PADI2: variants seen among roughly 807,000 people sequenced by gnomAD.
PADI2 encodes peptidyl arginine deiminase 2.
In PADI2, 70 loss-of-function variants were observed where a neutral mutation model predicts 81.1. That is an observed-to-expected ratio of 0.86 (90% CI 0.71 to 1.05). The LOEUF is 1.05. PADI2 is among the 50% of genes least tolerant of loss of function. The pLI is 0.00. For synonymous variants in PADI2, 338 were observed against 358.0 expected (o/e 0.94, Z 0.63); for missense variants, 853 against 889.9 (o/e 0.96, Z 0.53).
intron 14 of PADI2, among the ~76,000 whole-genome samples, chr1:17,070,784 C>T (rs1450460519): frequency 1.3e-5 from 2 of 152,096 alleles, no homozygotes; most frequent in Non-Finnish European, 2.9e-5. Flanking sequence ...GCCTCAGCCT[C>T]CCAAGTAGCT....
intron 1 of PADI2, among the ~76,000 whole-genome samples, chr1:17,117,782 C>T (rs1931810238): frequency 6.6e-6 from 1 of 152,252 alleles, no homozygotes; most frequent in Admixed American, 6.5e-5. Flanking sequence ...ATGGTGACAG[C>T]TGAGGCTTAG....
intron 6 of PADI2, among the ~76,000 whole-genome samples, chr1:17,091,210 A>T (rs1366672071): frequency 6.9e-6 from 1 of 144,754 alleles, no homozygotes; most frequent in Non-Finnish European, 1.5e-5. Context: ...GTCCCTACTC[A>T]CCTCATGGTG....
At chr1:17,101,064 C>T (rs1931125831) in intron 3 of PADI2, among the ~76,000 whole-genome samples, 1 of 151,696 alleles carries the variant, frequency 6.6e-6, no homozygotes, top group Admixed American at 6.6e-5. Context: ...ATTTGATTGG[C>T]CCATGGAATC....
chr1:17,080,535 G>A (rs1210682526), intron 10 of PADI2, among the ~76,000 whole-genome samples: 1 of 152,192 alleles, frequency 6.6e-6, no homozygotes, highest in African/African-American at 2.4e-5. Context: ...GCTGTTGTCG[G>A]TCATGGAGAT....
chr1:17,090,487 T>A (rs1930649075), intron 6 of PADI2, among the ~76,000 whole-genome samples: 1 of 152,096 alleles, frequency 6.6e-6, no homozygotes, highest in Non-Finnish European at 1.5e-5. Flanking sequence ...CATTCGCTCA[T>A]CCACAGGGGT....
chr1:17,097,352 T>A (rs552531202), intron 3 of PADI2, among the ~76,000 whole-genome samples: 55 of 152,318 alleles, frequency 3.6e-4, no homozygotes, highest in African/African-American at 1.1e-3. Context: ...CCTTTGCCTA[T>A]AGCCTGCATA....
chr1:17,103,577 A>C (rs962971122), intron 2 of PADI2, among the ~76,000 whole-genome samples: 7 of 152,034 alleles, frequency 4.6e-5, no homozygotes, highest in African/African-American at 1.4e-4. Flanking sequence ...AGCTCCAATG[A>C]TTCTATGGTT....
intron 3 of PADI2, among the ~76,000 whole-genome samples, chr1:17,098,342 C>T (rs1242489679): frequency 6.6e-6 from 1 of 152,190 alleles, no homozygotes; most frequent in Admixed American, 6.5e-5. Flanking sequence ...CATTGGGACT[C>T]CTTGTGGCGA....
In PADI2 at chr1:17,066,854, T is replaced by G. The variant is rs1478740114; in HGVS notation, c.*2190A>C. The G allele has an allele frequency of 6.6e-6, 1 of 152,250 alleles. No homozygotes were observed. The highest frequency in any genetic ancestry group is 1.9e-4 in the East Asian group (1 of 5,202). 9.4% of individuals were successfully genotyped at this position (152,250 alleles called of 1,614,324 possible). On this transcript the variant is annotated 3_prime_UTR_variant, in exon 16 of 16. Coordinates refer to ENST00000375486, the MANE Select transcript of PADI2 (RefSeq NM_007365.3). The stretch of plus-strand genomic sequence containing the variant: ...CCACCACAGGCTCTTTTCCAGAAAT[T>G]TGAAACTGTGTTCTTCTTGCCATCT...
intron 3 of PADI2, among the ~76,000 whole-genome samples, chr1:17,096,592 G>A (rs1342655911): frequency 1.3e-5 from 2 of 152,248 alleles, no homozygotes; most frequent in East Asian, 1.9e-4. Flanking sequence ...TGTGAGTCTA[G>A]ATGGAGGATC....
At chr1:17,103,101 G>A (rs1239631519) in intron 2 of PADI2, 42 bp from the exon 3 acceptor site, 1 of 1,438,596 alleles carries the variant, frequency 7.0e-7, no homozygotes, top group East Asian at 2.3e-5. Flanking sequence ...AGAAAAGAGA[G>A]CAGAGATCAC....
chr1:17,086,334 A>G (rs1930414625), intron 7 of PADI2, among the ~76,000 whole-genome samples, 187 bp downstream of exon 7: 1 of 152,196 alleles, frequency 6.6e-6, no homozygotes, highest in Admixed American at 6.5e-5. Context: ...TGATCCCAGG[A>G]GCATGGCTCA....
chr1:17,105,397 T>TTGTG (rs371659993), intron 1 of PADI2, among the ~76,000 whole-genome samples: 1 of 143,152 alleles, frequency 7.0e-6, no homozygotes, highest in African/African-American at 2.8e-5. Context: ...CTCTTCTTTT[T>TTGTG]TGTGTGTGTG....
At chr1:17,102,751 T>TGTG (rs1553183543) in intron 3 of PADI2, among the ~76,000 whole-genome samples, 4 of 139,518 alleles carry the variant, frequency 2.9e-5, no homozygotes, top group Non-Finnish European at 4.8e-5. Flanking sequence ...CCTTGACACT[T>TGTG]GGGGGGGGGT....
intron 1 of PADI2, among the ~76,000 whole-genome samples, chr1:17,116,608 G>T (rs1557775717): frequency 6.6e-6 from 1 of 152,172 alleles, no homozygotes; most frequent in African/African-American, 2.4e-5. Flanking sequence ...AGTTCAACCC[G>T]CTGGTTTTAG....
chr1:17,098,175 G>C (rs1280181623), intron 3 of PADI2, among the ~76,000 whole-genome samples: 2 of 152,162 alleles, frequency 1.3e-5, no homozygotes, highest in Non-Finnish European at 2.9e-5. Flanking sequence ...TCCCTGCAAT[G>C]AACCCAGGCT....
In PADI2 at chr1:17,070,168, T is replaced by G. The variant is rs748542059; in HGVS notation, c.1684A>C (p.Thr562Pro). 9.3e-6 allele frequency: 15 copies of G among 1,613,970 alleles called. No homozygotes were observed. Among genetic ancestry groups the G allele is most frequent in the Non-Finnish European group, 1.2e-5 (14 of 1,179,994 alleles). ...GGCAGGTCAATGATGTCCTGCTCTG[T>G]CAGTCCCAGCTCCTTCTTGAGGATG... ...RDILKKELGL[T>P]EQDIIDLPAL... The change falls in exon 15 of 16, where the codon ACA becomes CCA. Residue 562 changes from threonine to proline, a missense_variant. Transcript: ENST00000375486.
intron 3 of PADI2, among the ~76,000 whole-genome samples, chr1:17,100,921 A>T (rs1931120772): frequency 6.6e-6 from 1 of 152,086 alleles, no homozygotes; most frequent in Non-Finnish European, 1.5e-5. Context: ...TGGCCTCCCA[A>T]AGTGTTGGGA....
intron 6 of PADI2, among the ~76,000 whole-genome samples, chr1:17,088,578 A>G (rs1930550673): frequency 6.6e-6 from 1 of 152,006 alleles, no homozygotes; most frequent in South Asian, 2.1e-4. Flanking sequence ...TGTCAGAGGG[A>G]CCTTGGTTTA....
Sources: allele counts gnomAD v4.1 joint callset (sites outside exome capture counted in the v4.1 genomes callset), GRCh38; gene constraint gnomAD v4.1.1; transcripts MANE v1.5; gene names NCBI Gene and HGNC (gene_info 2026-07-23, HGNC 2026-07-21).